Variants in DNAH7 observed in about 807,000 individuals in gnomAD.
DNAH7 encodes axonemal beta dynein heavy chain 7.
In DNAH7, 397 loss-of-function variants were observed where a neutral mutation model predicts 444.6. The observed-to-expected ratio is 0.89, with a 90% CI of 0.82 to 0.97. DNAH7 has a LOEUF of 0.97. Ranked by LOEUF, DNAH7 falls within the 50% of genes least tolerant of loss-of-function variation. The probability of loss-of-function intolerance (pLI) is 0.00; values close to 1 mark genes in which losing one functional copy is unlikely to be tolerated. For missense variants in DNAH7, 4,902 were observed against 4,800.8 expected, an observed-to-expected ratio of 1.02 and a Z score of -0.62; for synonymous variants, 1,636 against 1,624.4, an observed-to-expected ratio of 1.01 and a Z score of -0.17.
intron 57 of DNAH7, among the ~76,000 whole-genome samples, chr2:195,793,482 C>T (rs558844523): frequency 1.8e-4 from 27 of 152,100 alleles, no homozygotes; most frequent in Non-Finnish European, 3.1e-4. Context: ...GTCCATCATA[C>T]GCAGAAATGC....
chr2:195,771,274 T>C (rs907722960), intron 61 of DNAH7, among the ~76,000 whole-genome samples: 2 of 152,044 alleles, frequency 1.3e-5, no homozygotes, highest in Admixed American at 6.6e-5. Flanking sequence ...CAGGGGTTCA[T>C]GGCAGCAGTG....
intron 12 of DNAH7, among the ~76,000 whole-genome samples, chr2:195,996,781 T>C (rs1693724853): frequency 6.6e-6 from 1 of 152,222 alleles, no homozygotes; most frequent in South Asian, 2.1e-4. Flanking sequence ...TTTATCTATA[T>C]TGTAACAAAA....
intron 62 of DNAH7, 103 bp downstream of exon 62, chr2:195,756,030 G>T: frequency 8.3e-7 from 1 of 1,207,624 alleles, no homozygotes; most frequent in Non-Finnish European, 1.1e-6. Flanking sequence ...TGCCTGGGAT[G>T]CACAGAAAAA....
rs1025144874 is a variant in DNAH7, at chr2:195,895,019, G to A, written c.4853C>T (p.Ala1618Val). The change falls in exon 30 of 65, where the codon GCA becomes GTA. Residue 1618 changes from alanine to valine, a missense_variant. By Grantham distance (64) the Ala-to-Val change is moderately conservative. Coordinates refer to ENST00000312428, the MANE Select transcript of DNAH7 (RefSeq NM_018897.3). ...TAGTGCTCCAGCTAAGACACGATAT[G>A]CACTAGTTTTTCCTCCAAATGGTTC... ...VGEPFGGKTS[A>V]YRVLAGALND... The A allele has an allele frequency of 2.5e-6, 4 of 1,612,448 alleles. No individual in the cohort carries two copies. In the African/African-American group the frequency reaches 4.0e-5, roughly 16 times the overall value.
chr2:195,764,469 T>C (rs11885682), intron 61 of DNAH7, among the ~76,000 whole-genome samples: 70,341 of 151,916 alleles, frequency 0.46, 17,589 homozygotes, highest in Non-Finnish European at 0.57. Context: ...GCAGTTGATA[T>C]GATCTTATAT....
At chr2:195,821,333 T>C (rs1430000640) in intron 49 of DNAH7, among the ~76,000 whole-genome samples, 1 of 152,224 alleles carries the variant, frequency 6.6e-6, no homozygotes, top group East Asian at 1.9e-4. Context: ...TTACTGAGGT[T>C]GCTGTTCTCT....
At chr2:195,983,185 A>C (rs966516465) in intron 15 of DNAH7, among the ~76,000 whole-genome samples, 2 of 152,224 alleles carry the variant, frequency 1.3e-5, no homozygotes, top group East Asian at 3.8e-4. Flanking sequence ...ACAAAAACTT[A>C]ATGTTATAAG....
chr2:195,737,792 G>A lies in DNAH7; in HGVS notation c.*129C>T. 1.3e-6 allele frequency: 1 copy of A among 783,850 alleles called. No individual in the cohort carries two copies. Among genetic ancestry groups the A allele is most frequent in the Non-Finnish European group, 2.0e-6 (1 of 502,222 alleles). 48.6% of individuals were successfully genotyped at this position (783,850 alleles called of 1,614,324 possible). ...TAAGTTTAGCTGCATTTGCTCATAA[G>A]TAAATTCATAATTATAACTTTAGTC... On this transcript the variant is annotated 3_prime_UTR_variant, in exon 65 of 65. Coordinates refer to ENST00000312428, the MANE Select transcript of DNAH7 (RefSeq NM_018897.3).
At chr2:195,812,847 T>C (rs907689419) in intron 51 of DNAH7, among the ~76,000 whole-genome samples, 4 of 152,212 alleles carry the variant, frequency 2.6e-5, no homozygotes, top group African/African-American at 7.2e-5. Flanking sequence ...CTATCAATGA[T>C]TGGCAGAAAA....
chr2:195,775,703 T>G, intron 60 of DNAH7, 143 bp downstream of exon 60: 1 of 845,390 alleles, frequency 1.2e-6, no homozygotes, highest in Non-Finnish European at 1.7e-6. Flanking sequence ...CTTATTTAAG[T>G]TATGTATGTA....
intron 12 of DNAH7, chr2:195,994,244 T>C (rs1294510562): frequency 2.9e-5 from 10 of 342,706 alleles, no homozygotes; most frequent in Non-Finnish European, 5.1e-5. Flanking sequence ...ACATGAAGCA[T>C]AATCAACCAT....
intron 56 of DNAH7, among the ~76,000 whole-genome samples, chr2:195,795,206 C>T (rs561834486): frequency 2.4e-4 from 36 of 152,300 alleles, no homozygotes; most frequent in Admixed American, 5.2e-4. Flanking sequence ...CATGGTGAAA[C>T]GCTGTCTCTA....
At chr2:196,017,402 TTC>T (rs1354427406) in intron 9 of DNAH7, among the ~76,000 whole-genome samples, 1 of 152,212 alleles carries the variant, frequency 6.6e-6, no homozygotes, top group Non-Finnish European at 1.5e-5. Flanking sequence ...CGGACAATTT[TTC>T]TCTTTCCATC....
intron 1 of DNAH7, among the ~76,000 whole-genome samples, chr2:196,067,700 C>T (rs1698505253): frequency 6.6e-6 from 1 of 152,046 alleles, no homozygotes; most frequent in Admixed American, 6.6e-5. Context: ...AGACTAAATC[C>T]GTTTTAATAC....
intron 24 of DNAH7, among the ~76,000 whole-genome samples, chr2:195,915,034 C>A (rs1197428568): frequency 2.0e-5 from 3 of 152,154 alleles, no homozygotes; most frequent in Admixed American, 1.3e-4. Flanking sequence ...TGTGGATATT[C>A]AATACATTTT....
In DNAH7 at chr2:195,988,151, C is replaced by A. The variant is rs752060126; in HGVS notation, c.1432G>T (p.Glu478Ter). Reference sequence around the variant, plus strand: ...GCCACACTCTCTTTCATAATAACTTCCTTGATCTTTTCTTTGTGAGCATCT... The same window carrying A: ...GCCACACTCTCTTTCATAATAACTTACTTGATCTTTTCTTTGTGAGCATCT... The part of the protein sequence containing the change: ...IVDAHKEKIK[E>*]VIMKESVAPT... The change falls in exon 13 of 65, where the codon GAA (glutamate) becomes TAA (stop). Residue 478 changes from glutamate (E) to a stop codon, truncating the protein, a stop_gained. Transcript: ENST00000312428. LOFTEE classifies it high-confidence loss of function. 1 of 1,613,540 alleles carries A rather than the reference C, an allele frequency of 6.2e-7. No individual in the cohort carries two copies. Among genetic ancestry groups the A allele is most frequent in the South Asian group, 1.1e-5 (1 of 91,002 alleles).
Position 196,000,850 on chromosome 2 carries a change from T to A in DNAH7, c.1207A>T (p.Ile403Phe), listed in dbSNP as rs1693989306. The change falls in exon 12 of 65, where the codon ATC becomes TTC. Residue 403 changes from isoleucine (I) to phenylalanine (F), a missense_variant. Transcript: ENST00000312428. ...TCATTATCAAGAATCAGCCTCATGA[T>A]GAAACCTGGATGTTCAAAAGCTCTA... ...SVRAFEHPGF[I>F]MRLILDNDTI... 1.3e-6 allele frequency: 2 copies of A among 1,596,588 alleles called. No homozygotes were observed. Among genetic ancestry groups the A allele is most frequent in the Middle Eastern group, 1.7e-4 (1 of 5,980 alleles).
At chr2:195,849,879 G>A (rs974936707) in intron 46 of DNAH7, among the ~76,000 whole-genome samples, 2 of 152,078 alleles carry the variant, frequency 1.3e-5, no homozygotes, top group Non-Finnish European at 2.9e-5. Context: ...CTGGGATTAC[G>A]GGTGTGAGCC....
rs553643758 is a variant in DNAH7, at chr2:195,932,609, T to C, written c.3471+1982A>G. 1.3e-4 allele frequency among the ~76,000 whole-genome samples: 20 copies of C among 152,292 alleles called. No homozygotes were observed. In the South Asian group the frequency reaches 3.3e-3, roughly 25 times the overall value. Reference sequence around the variant, plus strand: ...ATACATCCCATCAATACCTAATTTATTGAGAGTTTTTAGAATGAAGTGTTG... The same window carrying C: ...ATACATCCCATCAATACCTAATTTACTGAGAGTTTTTAGAATGAAGTGTTG... On this transcript the variant is annotated intron_variant, in intron 21 of 64. Transcript: ENST00000312428.
Sources: gnomAD v4.1 joint callset for allele counts (sites outside exome capture counted in the v4.1 genomes callset) on GRCh38, gnomAD v4.1.1 for gene constraint, MANE v1.5 for transcripts, NCBI Gene and HGNC (gene_info 2026-07-23, HGNC 2026-07-21) for gene names.